ETFA: variants seen among roughly 807,000 people sequenced by gnomAD.
The protein encoded by ETFA is electron transfer flavoprotein subunit alpha, also known as electron transfer flavoprotein subunit alpha, mitochondrial.
ETFA carries 22 observed loss-of-function variants against 46.2 expected under a neutral mutation model. The ratio of observed to expected loss-of-function variants is 0.48; its 90% CI spans 0.34 to 0.68. ETFA has a LOEUF of 0.68. ETFA is among the 30% of genes least tolerant of loss of function. The pLI is 0.01. For missense variants in ETFA, 345 were observed against 401.1 expected (o/e 0.86, Z 1.19); for synonymous variants, 131 against 139.9 (o/e 0.94, Z 0.45).
At chr15:76,277,483 G>GT (rs35360285) in intron 8 of ETFA, among the ~76,000 whole-genome samples, 23,134 of 140,804 alleles carry the variant, frequency 0.16, 2,319 homozygotes, top group African/African-American at 0.3. Context: ...TACCCCTGGA[G>GT]TTTTTTGTCA....
At position 76,292,579 on chromosome 15, in the gene ETFA, T is replaced by C. The variant is rs1224936104; in HGVS notation, c.268+40A>G. The C allele has an allele frequency of 1.9e-6, 3 of 1,583,552 alleles. No individual in the cohort carries two copies. In the African/African-American group the frequency reaches 4.0e-5, roughly 21 times the overall value. On this transcript the variant is annotated intron_variant, in intron 3 of 11. Transcript: ENST00000557943. Reference sequence around the variant, plus strand: ...ACTTTCATATTCATATATTCAAGCGTAATTTAGACACTACATTTTTTTCTA... The same window carrying C: ...ACTTTCATATTCATATATTCAAGCGCAATTTAGACACTACATTTTTTTCTA...
At chr15:76,227,811 T>G (rs972457649) in intron 10 of ETFA, 1 of 456,068 alleles carries the variant, frequency 2.2e-6, no homozygotes, top group East Asian at 6.9e-5. Context: ...ATCCAACATC[T>G]GTGTATTTCC....
Position 76,279,911 on chromosome 15 carries a change from A to G in ETFA, c.733+3846T>C, listed in dbSNP as rs536360308. On this transcript the variant is annotated intron_variant, in intron 8 of 11. Transcript: ENST00000557943. ...TTTTTTTTTTTTTTCCTTAAGAGAC[A>G]AAGTCTCATTCTGTTGCCCAGGCTG... Among the ~76,000 whole-genome samples the G allele has an allele frequency of 4.7e-5, 7 of 150,442 alleles. No individual in the cohort carries two copies. The South Asian group carries it at 1.5e-3, about 32-fold the overall frequency.
chr15:76,271,845 A>C (rs1204763955), intron 9 of ETFA, among the ~76,000 whole-genome samples: 2 of 152,314 alleles, frequency 1.3e-5, no homozygotes, highest in East Asian at 3.9e-4. Flanking sequence ...GATCCTTAAC[A>C]AAATGTACAT....
chr15:76,251,488 G>A (rs774346329), intron 9 of ETFA, among the ~76,000 whole-genome samples: 1 of 152,132 alleles, frequency 6.6e-6, no homozygotes, highest in African/African-American at 2.4e-5. Context: ...ACTAATAGAC[G>A]ACAAAAATCA....
intron 11 of ETFA, among the ~76,000 whole-genome samples, chr15:76,219,384 CAG>C (rs1395517080): frequency 4.6e-5 from 7 of 152,062 alleles, no homozygotes; most frequent in South Asian, 2.1e-4. Flanking sequence ...TATAAGAAAA[CAG>C]GGGTGAATCT....
At chr15:76,281,934 C>T (rs1325632838) in intron 8 of ETFA, among the ~76,000 whole-genome samples, 1 of 118,414 alleles carries the variant, frequency 8.4e-6, no homozygotes, top group Non-Finnish European at 1.6e-5. Flanking sequence ...GACGGCATCT[C>T]ACTCTGTTAC....
intron 9 of ETFA, chr15:76,274,067 T>G (rs1458752939): frequency 4.0e-6 from 1 of 248,584 alleles, no homozygotes; most frequent in Admixed American, 5.0e-5. Flanking sequence ...GATTTTATAC[T>G]CTCTAAAGGC....
At chr15:76,291,582 C>G (rs1353016008) in intron 4 of ETFA, among the ~76,000 whole-genome samples, 1 of 151,692 alleles carries the variant, frequency 6.6e-6, no homozygotes, top group Non-Finnish European at 1.5e-5. Flanking sequence ...AACCCCGTCT[C>G]TACTAAAAAT....
At chr15:76,276,872 T>G (rs1466031946) in intron 8 of ETFA, among the ~76,000 whole-genome samples, 2 of 152,238 alleles carry the variant, frequency 1.3e-5, no homozygotes, top group African/African-American at 2.4e-5. Flanking sequence ...ATTAGAGACC[T>G]TAGTATACTA....
chr15:76,233,021 A>G (rs1014962416), intron 9 of ETFA, among the ~76,000 whole-genome samples: 1 of 152,198 alleles, frequency 6.6e-6, no homozygotes, highest in Non-Finnish European at 1.5e-5. Context: ...AAATGAGATG[A>G]GCTTGTTTTT....
chr15:76,285,341 T>G (rs990986579), intron 7 of ETFA, among the ~76,000 whole-genome samples: 1 of 152,140 alleles, frequency 6.6e-6, no homozygotes, highest in Non-Finnish European at 1.5e-5. Context: ...CCAACCATAC[T>G]CTGCAGAATT....
At chr15:76,311,252 G>C (rs1008933721) in intron 1 of ETFA, 98 bp downstream of exon 1, 1 of 1,410,936 alleles carries the variant, frequency 7.1e-7, no homozygotes. Context: ...GCGAGGGCTG[G>C]TCGAATCTGA....
At chr15:76,262,488 T>TTTC (rs1231879476) in intron 9 of ETFA, among the ~76,000 whole-genome samples, 1 of 138,478 alleles carries the variant, frequency 7.2e-6, no homozygotes, top group Admixed American at 7.3e-5. Flanking sequence ...TTTTTTTTTT[T>TTTC]TTTTTTTTTT....
At chr15:76,263,339 C>CA (rs2039436856) in intron 9 of ETFA, among the ~76,000 whole-genome samples, 2 of 152,198 alleles carry the variant, frequency 1.3e-5, no homozygotes, top group African/African-American at 4.8e-5. Context: ...TGGCACCCAA[C>CA]ATGGGGCGAC....
At chr15:76,233,671 C>T (rs1396616753) in intron 9 of ETFA, among the ~76,000 whole-genome samples, 1 of 152,162 alleles carries the variant, frequency 6.6e-6, no homozygotes, top group East Asian at 1.9e-4. Flanking sequence ...TTCTGACTAG[C>T]ATTTCATTCA....
intron 9 of ETFA, among the ~76,000 whole-genome samples, chr15:76,273,799 C>T (rs961313062): frequency 3.3e-5 from 5 of 152,190 alleles, no homozygotes; most frequent in African/African-American, 9.6e-5. Context: ...AAATCTGTAT[C>T]ACCTAAGAAA....
In ETFA at chr15:76,288,321, T is replaced by C. The variant is rs144183649; in HGVS notation, c.352-376A>G. ...GAAGGGTGGTAAAATTCTCAAATACTGAAAAAGATTATGCTTGTATACATT... is the reference window on the plus strand; with the variant it reads ...GAAGGGTGGTAAAATTCTCAAATACCGAAAAAGATTATGCTTGTATACATT... On this transcript the variant is annotated intron_variant, in intron 4 of 11. Coordinates refer to ENST00000557943, the MANE Select transcript of ETFA (RefSeq NM_000126.4). Among the ~76,000 whole-genome samples, 215 of 152,242 alleles carry C rather than the reference T, an allele frequency of 1.4e-3. 1 individual carries two copies. Among genetic ancestry groups the C allele is most frequent in the African/African-American group, 5.1e-3 (210 of 41,558 alleles).
chr15:76,260,946 A>G, intron 9 of ETFA: 2 of 1,611,380 alleles, frequency 1.2e-6, no homozygotes, highest in Non-Finnish European at 1.7e-6. Context: ...GGACTGCAGC[A>G]GGGCTCGGCC....
Sources: gnomAD v4.1 joint callset for allele counts (sites outside exome capture counted in the v4.1 genomes callset) on GRCh38, gnomAD v4.1.1 for gene constraint, MANE v1.5 for transcripts, NCBI Gene and HGNC (gene_info 2026-07-23, HGNC 2026-07-21) for gene names.